CFTR: variants seen among roughly 807,000 people sequenced by gnomAD.
CFTR encodes cystic fibrosis transmembrane conductance regulator.
In CFTR, 181 loss-of-function variants were observed where a neutral mutation model predicts 171.6. The observed-to-expected ratio is 1.05, with a 90% CI of 0.93 to 1.19. CFTR has a LOEUF of 1.19. CFTR is among the 50% of genes most tolerant of loss of function. The pLI is 0.00. For missense variants in CFTR, 1,968 were observed against 1,734.7 expected, an observed-to-expected ratio of 1.13 and a Z score of -2.39; for synonymous variants, 583 against 608.0, an observed-to-expected ratio of 0.96 and a Z score of 0.60.
rs2116604777 is a variant in CFTR at position 117,480,157 on chromosome 7, T to C, written c.53+10T>C. The C allele has an allele frequency of 6.2e-7, 1 of 1,613,426 alleles. No homozygotes were observed. Among genetic ancestry groups the C allele is most frequent in the South Asian group, 1.1e-5 (1 of 91,016 alleles). On this transcript the variant is annotated intron_variant, in intron 1 of 26. Coordinates refer to ENST00000003084, the MANE Select transcript of CFTR (RefSeq NM_000492.4). ...CCAAACTTTTTTTCAGGTGAGAAGG[T>C]GGCCAACCGAGCTTCGGAAAGACAC...
chr7:117,586,952 G>A (rs181288662), intron 11 of CFTR, among the ~76,000 whole-genome samples: 8 of 152,218 alleles, frequency 5.3e-5, no homozygotes, highest in Middle Eastern at 6.8e-3. Flanking sequence ...ATCTTAAAAT[G>A]GTTAGTTAAA....
At chr7:117,627,895 C>T (rs1792679370) in intron 22 of CFTR, 125 bp downstream of exon 22, 1 of 1,010,608 alleles carries the variant, frequency 9.9e-7, no homozygotes, top group Admixed American at 1.8e-5. Flanking sequence ...CAATATTAAA[C>T]ACACATGTTT....
At position 117,595,033 on chromosome 7, in the gene CFTR, G is replaced by T; in HGVS notation, c.2594G>T (p.Trp865Leu). ...AAGAGCTTAATTTTTGTGCTAATTTGGTGCTTAGTAATTTTTCTGGCAGAG... is the reference window on the plus strand; with the variant it reads ...AAGAGCTTAATTTTTGTGCTAATTTTGTGCTTAGTAATTTTTCTGGCAGAG... ...VHKSLIFVLI[W>L]CLVIFLAEVA... Residue 865 changes from tryptophan (W) to leucine (L), a missense_variant, in exon 15 of 27, where the codon TGG becomes TTG. Transcript: ENST00000003084. 6.2e-7 allele frequency: 1 copy of T among 1,612,648 alleles called. No individual in the cohort carries two copies. The highest frequency in any genetic ancestry group is 8.5e-7 in the Non-Finnish European group (1 of 1,179,320).
intron 1 of CFTR, among the ~76,000 whole-genome samples, chr7:117,499,122 A>G (rs1313084371): frequency 1.3e-5 from 2 of 152,160 alleles, no homozygotes; most frequent in African/African-American, 2.4e-5. Flanking sequence ...TGTTAAATAC[A>G]TGGAAGCATG....
At chr7:117,631,563 T>A (rs1255802656) in intron 22 of CFTR, among the ~76,000 whole-genome samples, 1 of 152,196 alleles carries the variant, frequency 6.6e-6, no homozygotes, top group African/African-American at 2.4e-5. Context: ...CATGCCTATG[T>A]AATGAAGCCA....
In CFTR at chr7:117,545,442, G is replaced by A. The variant is rs34641511; in HGVS notation, c.1210-3199G>A. On this transcript the variant is annotated intron_variant, in intron 9 of 26. Transcript: ENST00000003084. The stretch of plus-strand genomic sequence containing the variant: ...CAATGTGCTGATGACTCTCAAATGC[G>A]CATCTCTGGCTTCAGTTTCTTCCTT... Among the ~76,000 whole-genome samples the A allele has an allele frequency of 3.3e-3, 503 of 152,198 alleles. 14 individuals carry two copies. In the East Asian group the frequency reaches 0.071, roughly 21 times the overall value.
intron 9 of CFTR, among the ~76,000 whole-genome samples, chr7:117,542,853 T>A (rs1799079924): frequency 6.6e-6 from 1 of 152,208 alleles, no homozygotes. Context: ...AAAACATTCA[T>A]CAGAGTACCA....
chr7:117,558,552 T>TATAAATAA, intron 10 of CFTR, among the ~76,000 whole-genome samples: 1 of 105,942 alleles, frequency 9.4e-6, no homozygotes, highest in African/African-American at 5.6e-5. Context: ...AGACTCTGTC[T>TATAAATAA]CTAAATAAAT....
intron 1 of CFTR, among the ~76,000 whole-genome samples, chr7:117,496,298 T>C (rs927041711): frequency 3.9e-5 from 6 of 152,126 alleles, no homozygotes; most frequent in Admixed American, 3.3e-4. Flanking sequence ...TTTGAAGTCA[T>C]AGGCGAAAGC....
At chr7:117,505,267 C>T (rs997075367) in intron 2 of CFTR, among the ~76,000 whole-genome samples, 1 of 152,078 alleles carries the variant, frequency 6.6e-6, no homozygotes, top group South Asian at 2.1e-4. Flanking sequence ...GTAGTCCCCC[C>T]CATAAAGAAT....
chr7:117,490,264 T>C (rs1373717495), intron 1 of CFTR, among the ~76,000 whole-genome samples: 2 of 151,230 alleles, frequency 1.3e-5, no homozygotes, highest in Admixed American at 6.6e-5. Context: ...TCATTGAGTA[T>C]TTACTCTGCA....
At chr7:117,621,826 T>C (rs1792586391) in intron 21 of CFTR, among the ~76,000 whole-genome samples, 1 of 152,188 alleles carries the variant, frequency 6.6e-6, no homozygotes. Context: ...GAGTAAGTAA[T>C]AGATTTGATG....
At chr7:117,618,451 A>C in intron 21 of CFTR, among the ~76,000 whole-genome samples, 1 of 151,714 alleles carries the variant, frequency 6.6e-6, no homozygotes. Context: ...ACTGCACTCC[A>C]GCCTGAGCAA....
At chr7:117,531,636 G>T (rs965971155) in intron 4 of CFTR, among the ~76,000 whole-genome samples, 1 of 152,044 alleles carries the variant, frequency 6.6e-6, no homozygotes, top group Admixed American at 6.6e-5. Flanking sequence ...GGAACAGCAC[G>T]TGCATTGAAC....
At chr7:117,499,280 A>AT (rs1160676306) in intron 1 of CFTR, among the ~76,000 whole-genome samples, 6 of 152,058 alleles carry the variant, frequency 3.9e-5, no homozygotes, top group Non-Finnish European at 8.8e-5. Context: ...ATAAGCTTTA[A>AT]TTATATGACT....
At chr7:117,565,533 G>A (rs1335020215) in intron 11 of CFTR, among the ~76,000 whole-genome samples, 2 of 152,088 alleles carry the variant, frequency 1.3e-5, no homozygotes, top group South Asian at 2.1e-4. Context: ...TAAGGGGTGC[G>A]GGGTGGAGGG....
At chr7:117,662,420 G>A (rs1793306002) in intron 24 of CFTR, among the ~76,000 whole-genome samples, 1 of 152,166 alleles carries the variant, frequency 6.6e-6, no homozygotes, top group African/African-American at 2.4e-5. Flanking sequence ...TGGTTGAATG[G>A]CTTAAGAGAT....
At chr7:117,601,108 A>G (rs1205885674) in intron 15 of CFTR, among the ~76,000 whole-genome samples, 2 of 152,084 alleles carry the variant, frequency 1.3e-5, no homozygotes, top group Non-Finnish European at 2.9e-5. Flanking sequence ...CAATGCCAGC[A>G]TTATTAACAC....
intron 1 of CFTR, among the ~76,000 whole-genome samples, chr7:117,483,388 C>T (rs1798027140): frequency 6.6e-6 from 1 of 152,094 alleles, no homozygotes; most frequent in Non-Finnish European, 1.5e-5. Context: ...ATTACCCAGA[C>T]TGGTCTCTTG....
Sources: allele counts gnomAD v4.1 joint callset (sites outside exome capture counted in the v4.1 genomes callset), GRCh38; gene constraint gnomAD v4.1.1; transcripts MANE v1.5; gene names NCBI Gene and HGNC (gene_info 2026-07-23, HGNC 2026-07-21).